The following ZHX2 variants were observed in gnomAD, a reference collection of about 807,000 sequenced individuals.
ZHX2 encodes zinc fingers and homeoboxes 2, also known as zinc fingers and homeoboxes protein 2.
Under a neutral mutation model 21.9 loss-of-function variants are expected in ZHX2, and 6 were observed. That is an observed-to-expected ratio of 0.27 (90% CI 0.15 to 0.54). The LOEUF is 0.54. Ranked by LOEUF, ZHX2 falls within the 20% of genes least tolerant of loss-of-function variation. The probability of loss-of-function intolerance (pLI) is 0.95; values close to 1 mark genes in which losing one functional copy is unlikely to be tolerated. For missense variants in ZHX2, 908 were observed against 1,090.7 expected, an observed-to-expected ratio of 0.83 and a Z score of 2.36; for synonymous variants, 434 against 437.1, an observed-to-expected ratio of 0.99 and a Z score of 0.09.
intron 1 of ZHX2, among the ~76,000 whole-genome samples, chr8:122,787,238 C>T (rs553411634): frequency 1.3e-5 from 2 of 152,194 alleles, no homozygotes; most frequent in South Asian, 4.1e-4. Context: ...TCTTTCCCCC[C>T]TGGTAGACAA....
intron 2 of ZHX2, among the ~76,000 whole-genome samples, chr8:122,876,820 AG>A (rs1443713596): frequency 6.6e-6 from 1 of 152,214 alleles, no homozygotes; most frequent in Non-Finnish European, 1.5e-5. Flanking sequence ...CAGGGTGAGA[AG>A]AAGCCCATCT....
intron 1 of ZHX2, among the ~76,000 whole-genome samples, chr8:122,795,986 C>T (rs915732884): frequency 6.6e-6 from 1 of 152,106 alleles, no homozygotes; most frequent in Non-Finnish European, 1.5e-5. Flanking sequence ...GCGTGGCCAA[C>T]ATGATGAAAC....
chr8:122,880,849 C>A (rs1053630521), intron 2 of ZHX2, among the ~76,000 whole-genome samples: 9 of 151,888 alleles, frequency 5.9e-5, no homozygotes, highest in Admixed American at 1.3e-4. Flanking sequence ...CCAGGTAACA[C>A]CCTGGACATT....
rs559303950 is a variant in ZHX2 at position 122,870,872 on chromosome 8, T to C, written c.-220+7333T>C. On this transcript the variant is annotated intron_variant, in intron 2 of 3. Coordinates refer to ENST00000314393, the MANE Select transcript of ZHX2 (RefSeq NM_014943.5). ...AGAAAGAATGGACTGCATGTGAAGA[T>C]AGAAAGTGAGAAAGGACAGGTCCAG... 5.9e-5 allele frequency among the ~76,000 whole-genome samples: 9 copies of C among 152,132 alleles called. No homozygotes were observed. In the South Asian group the frequency reaches 1.7e-3, roughly 28 times the overall value.
chr8:122,926,979 A>G (rs1563587556), intron 2 of ZHX2, among the ~76,000 whole-genome samples: 1 of 152,192 alleles, frequency 6.6e-6, no homozygotes, highest in Non-Finnish European at 1.5e-5. Context: ...CATCTGCAGT[A>G]TAAGATAACA....
intron 2 of ZHX2, among the ~76,000 whole-genome samples, chr8:122,881,819 G>T (rs548255662): frequency 6.6e-6 from 1 of 152,116 alleles, no homozygotes; most frequent in South Asian, 2.1e-4. Flanking sequence ...AGGGGCTTCT[G>T]TTCCATCCCT....
intron 3 of ZHX2, among the ~76,000 whole-genome samples, chr8:122,972,006 C>G (rs1813737342): frequency 6.6e-6 from 1 of 152,216 alleles, no homozygotes; most frequent in African/African-American, 2.4e-5. Flanking sequence ...CATCTCCCAG[C>G]TTCTGGTGTC....
intron 2 of ZHX2, among the ~76,000 whole-genome samples, chr8:122,919,748 G>A (rs1188610188): frequency 6.6e-6 from 1 of 152,174 alleles, no homozygotes; most frequent in African/African-American, 2.4e-5. Flanking sequence ...CCTGCCCGAG[G>A]TCACACAGCT....
At chr8:122,815,105 G>C (rs1297810174) in intron 1 of ZHX2, among the ~76,000 whole-genome samples, 1 of 152,200 alleles carries the variant, frequency 6.6e-6, no homozygotes, top group African/African-American at 2.4e-5. Flanking sequence ...GTATATGAAA[G>C]GGGTTCATAA....
intron 1 of ZHX2, among the ~76,000 whole-genome samples, chr8:122,803,037 G>A (rs532820223): frequency 6.7e-6 from 1 of 150,152 alleles, no homozygotes; most frequent in South Asian, 2.2e-4. Flanking sequence ...AGGAAGAAGT[G>A]CCCCTACAGG....
At chr8:122,783,136 C>T (rs756345967) in intron 1 of ZHX2, among the ~76,000 whole-genome samples, 1 of 152,066 alleles carries the variant, frequency 6.6e-6, no homozygotes, top group Non-Finnish European at 1.5e-5. Context: ...GTGATTTGTT[C>T]AGGTTTCCAC....
intron 1 of ZHX2, among the ~76,000 whole-genome samples, chr8:122,839,747 G>A (rs925058283): frequency 1.6e-4 from 25 of 152,198 alleles, no homozygotes; most frequent in Admixed American, 1.5e-3. Flanking sequence ...TTTTTGCTTC[G>A]GGCTGCAATT....
In ZHX2 at chr8:122,973,590, ACTACCATTGT is replaced by A. The variant is rs1174889597; in HGVS notation, c.*354_*363del. On this transcript the variant is annotated 3_prime_UTR_variant, in exon 4 of 4. Transcript: ENST00000314393. ...ATCAAGGGCAACTTCCTTTTCCAGC[ACTACCATTGT>A]AAGGTTTTTTTCAGGAGGGAGGGCT... 1 of 152,536 alleles carries A rather than the reference ACTACCATTGT, an allele frequency of 6.6e-6. No individual in the cohort carries two copies. Among genetic ancestry groups the A allele is most frequent in the Non-Finnish European group, 1.5e-5 (1 of 68,004 alleles). The allele number at this position is 152,536 out of a possible 1,614,324, so 9.4% of individuals were successfully genotyped here. A position where few individuals can be genotyped will look rare whatever the true frequency, so the allele number is the denominator to read the frequency against.
intron 1 of ZHX2, among the ~76,000 whole-genome samples, chr8:122,844,136 G>A (rs1818701848): frequency 6.6e-6 from 1 of 152,216 alleles, no homozygotes; most frequent in African/African-American, 2.4e-5. Context: ...CAGGAGGCGG[G>A]AAGGAAAAAG....
intron 1 of ZHX2, among the ~76,000 whole-genome samples, chr8:122,831,409 G>A (rs1465521293): frequency 5.3e-5 from 8 of 152,200 alleles, no homozygotes; most frequent in Non-Finnish European, 7.3e-5. Flanking sequence ...GGAGAGGTTT[G>A]TAACCAACAT....
chr8:122,972,107 C>T (rs4128589), intron 3 of ZHX2, among the ~76,000 whole-genome samples: 35,675 of 152,074 alleles, frequency 0.23, 4,328 homozygotes, highest in Middle Eastern at 0.34. Flanking sequence ...GTGTGTGAGT[C>T]TTCACATCTT....
intron 1 of ZHX2, among the ~76,000 whole-genome samples, chr8:122,833,637 G>A (rs1818428419): frequency 6.6e-6 from 1 of 152,098 alleles, no homozygotes; most frequent in African/African-American, 2.4e-5. Context: ...GATGTGGAGA[G>A]TAGTGTGGCG....
chr8:122,785,519 C>G (rs1039797328), intron 1 of ZHX2, among the ~76,000 whole-genome samples: 2 of 152,224 alleles, frequency 1.3e-5, no homozygotes, highest in African/African-American at 4.8e-5. Context: ...CCCAGTACAG[C>G]TTCACTGCTA....
In ZHX2 at chr8:122,925,455, C is replaced by T. The variant is rs138876365; in HGVS notation, c.-219-25837C>T. Reference sequence around the variant, plus strand: ...AAATGAGCTCTTGACCCACTAGGGGCGAGAAATACCCACACAGGTAACTCT... The same window carrying T: ...AAATGAGCTCTTGACCCACTAGGGGTGAGAAATACCCACACAGGTAACTCT... On this transcript the variant is annotated intron_variant, in intron 2 of 3. Transcript: ENST00000314393. Among the ~76,000 whole-genome samples the T allele has an allele frequency of 3.1e-3, 473 of 152,204 alleles. 5 individuals carry two copies. Among genetic ancestry groups the T allele is most frequent in the African/African-American group, 0.011 (454 of 41,518 alleles).
Sources: allele counts gnomAD v4.1 joint callset (sites outside exome capture counted in the v4.1 genomes callset), GRCh38; gene constraint gnomAD v4.1.1; transcripts MANE v1.5; gene names NCBI Gene and HGNC (gene_info 2026-07-23, HGNC 2026-07-21).